The following CTTN variants were observed in gnomAD, a reference collection of about 807,000 sequenced individuals.
The protein encoded by CTTN is cortactin, also known as src substrate cortactin.
Under a neutral mutation model 84.0 loss-of-function variants are expected in CTTN, and 28 were observed. That is an observed-to-expected ratio of 0.33 (90% confidence interval 0.25 to 0.46). CTTN has a LOEUF of 0.46. Among genes scored for constraint, CTTN ranks in the 20% least tolerant of loss-of-function variants. The pLI, the probability that CTTN is intolerant of heterozygous loss-of-function variation, is 1.00. For missense variants in CTTN, 641 were observed against 723.8 expected, an observed-to-expected ratio of 0.89 and a Z score of 1.31; for synonymous variants, 301 against 288.8, an observed-to-expected ratio of 1.04 and a Z score of -0.43.
In CTTN at chr11:70,420,429, G is replaced by C. The variant is rs774646882; in HGVS notation, c.709G>C (p.Gly237Arg). 11 of 1,614,094 alleles carry C rather than the reference G, an allele frequency of 6.8e-6. No homozygotes were observed. Among genetic ancestry groups the C allele is most frequent in the Non-Finnish European group, 9.3e-6 (11 of 1,180,028 alleles). ...DYVKGFGGKF[G>R]VQTDRQDKCA... ...TGTGAAAGGGTTTGGAGGAAAATTT[G>C]GTGTGCAGACAGACAGACAAGACAA... The change falls in exon 10 of 18, where the codon GGT becomes CGT. Residue 237 changes from glycine (G) to arginine (R), a missense_variant. This residue lies in a region of CTTN where 284 missense variants were observed against 348.4 expected (regional missense o/e 0.82). Transcript: ENST00000301843.
chr11:70,408,686 C>T (rs1166126288), intron 4 of CTTN, among the ~76,000 whole-genome samples: 1 of 152,120 alleles, frequency 6.6e-6, no homozygotes, highest in African/African-American at 2.4e-5. Context: ...AGGTGTGTGC[C>T]GCCGCACCTG....
chr11:70,427,262 A>G (rs2058309876), intron 13 of CTTN, among the ~76,000 whole-genome samples: 1 of 152,072 alleles, frequency 6.6e-6, no homozygotes, highest in Non-Finnish European at 1.5e-5. Flanking sequence ...AGGTACGAGA[A>G]TTGCTTGAAC....
intron 5 of CTTN, among the ~76,000 whole-genome samples, chr11:70,411,098 C>A (rs978146960): frequency 2.0e-5 from 3 of 152,280 alleles, no homozygotes; most frequent in African/African-American, 7.2e-5. Flanking sequence ...GCAGAATCAT[C>A]ATCTTTGGAG....
At chr11:70,413,749 G>A (rs933164654) in intron 5 of CTTN, among the ~76,000 whole-genome samples, 1 of 152,206 alleles carries the variant, frequency 6.6e-6, no homozygotes, top group Non-Finnish European at 1.5e-5. Flanking sequence ...GCTGCTCAGC[G>A]GAAATCCAGT....
chr11:70,434,538 G>A lies in CTTN; in HGVS notation c.1517-488G>A, dbSNP rs557584455. Among the ~76,000 whole-genome samples, 6 of 152,414 alleles carry A rather than the reference G, an allele frequency of 3.9e-5. No individual in the cohort carries two copies. In the South Asian group the frequency reaches 8.3e-4, roughly 21 times the overall value. On this transcript the variant is annotated intron_variant, in intron 17 of 17. Transcript: ENST00000301843. The stretch of plus-strand genomic sequence containing the variant: ...TTTGCACACGTGCATTTGCGTACAC[G>A]CATGTGGGTGTGTCTGTGGCATCTC...
chr11:70,411,669 C>T (rs2135560759), intron 5 of CTTN, among the ~76,000 whole-genome samples: 1 of 152,346 alleles, frequency 6.6e-6, no homozygotes, highest in East Asian at 1.9e-4. Context: ...GCTGTGGCTT[C>T]TCTGCTGCTG....
rs770803954 is a variant in CTTN at position 70,423,021 on chromosome 11, G to A, written c.957+26G>A. On this transcript the variant is annotated intron_variant, in intron 12 of 17. Coordinates refer to ENST00000301843, the MANE Select transcript of CTTN (RefSeq NM_005231.4). ...GTAAATATTCCAGCCCCGGAGCTTA[G>A]TGTCTTCTGCCTGCAGGGGCTCTTG... 9 of 1,613,736 alleles carry A rather than the reference G, an allele frequency of 5.6e-6. No individual in the cohort carries two copies. In the South Asian group the frequency reaches 9.9e-5, roughly 18 times the overall value.
At chr11:70,410,179 C>T (rs1435861980) in intron 5 of CTTN, 18 of 484,102 alleles carry the variant, frequency 3.7e-5, no homozygotes, top group Admixed American at 1.3e-4. Context: ...TGCTGGAGCA[C>T]GGGTGTTAGT....
chr11:70,407,707 C>A (rs2058058791), intron 4 of CTTN, 116 bp downstream of exon 4: 2 of 829,568 alleles, frequency 2.4e-6, no homozygotes, highest in Non-Finnish European at 3.8e-6. Flanking sequence ...CATTTATCTT[C>A]TTGACCTGAT....
chr11:70,420,113 G>T (rs1033097378), intron 9 of CTTN: 2 of 596,758 alleles, frequency 3.4e-6, no homozygotes, highest in African/African-American at 1.9e-5. Flanking sequence ...TGTGTTGCCC[G>T]TGTGAGCCTG....
intron 7 of CTTN, 35 bp from the exon 8 acceptor site, chr11:70,416,978 A>G (rs1471033455): frequency 4.7e-6 from 7 of 1,474,614 alleles, no homozygotes; most frequent in East Asian, 2.3e-5. Context: ...GTTCGTCCTC[A>G]GGCCCCCGTG....
intron 1 of CTTN, among the ~76,000 whole-genome samples, chr11:70,401,760 G>A (rs2057985686): frequency 6.6e-6 from 1 of 152,034 alleles, no homozygotes; most frequent in Admixed American, 6.6e-5. Flanking sequence ...CCTGAACCTG[G>A]GACACAGAGG....
At chr11:70,407,154 T>G in intron 2 of CTTN, 144 bp from the exon 3 acceptor site, 1 of 639,464 alleles carries the variant, frequency 1.6e-6, no homozygotes, top group Non-Finnish European at 2.8e-6. Flanking sequence ...GTCAGGCTTA[T>G]GGATCATGAA....
Position 70,422,986 on chromosome 11 carries a change from G to T in CTTN, c.948G>T (p.Arg316=), listed in dbSNP as rs756532928. ...FGGKYGVQKD[R]MDKNASTFED... ...GGAAGTATGGGGTGCAGAAGGATCG[G>T]ATGGATAAGGTAAATATTCCAGCCC... The change falls in exon 12 of 18, where the codon CGG becomes CGT. Residue 316 remains arginine, a synonymous_variant. Coordinates refer to ENST00000301843, the MANE Select transcript of CTTN (RefSeq NM_005231.4). The T allele has an allele frequency of 3.1e-6, 5 of 1,613,990 alleles. 1 individual carries two copies. The East Asian group carries it at 6.7e-5, about 22-fold the overall frequency.
At chr11:70,399,338 G>A (rs1255773132) in intron 1 of CTTN, among the ~76,000 whole-genome samples, 2 of 151,598 alleles carry the variant, frequency 1.3e-5, no homozygotes, top group Admixed American at 6.6e-5. Flanking sequence ...TAGGGTCCGA[G>A]GGGAGGGGAT....
At chr11:70,432,214 C>T (rs528111825) in intron 15 of CTTN, among the ~76,000 whole-genome samples, 2 of 152,292 alleles carry the variant, frequency 1.3e-5, no homozygotes, top group Non-Finnish European at 2.9e-5. Context: ...TGCAGCTTGT[C>T]AGGAACCGGC....
chr11:70,401,317 A>T (rs2057976296), intron 1 of CTTN, among the ~76,000 whole-genome samples: 1 of 151,820 alleles, frequency 6.6e-6, no homozygotes, highest in East Asian at 1.9e-4. Flanking sequence ...AAAAAAAAAA[A>T]TACAAAAAAT....
At chr11:70,405,626 C>T (rs1268410142) in intron 2 of CTTN, among the ~76,000 whole-genome samples, 4 of 152,202 alleles carry the variant, frequency 2.6e-5, no homozygotes, top group Admixed American at 2.6e-4. Context: ...GCCCCTTCCC[C>T]ACCCCATGAA....
intron 8 of CTTN, among the ~76,000 whole-genome samples, chr11:70,417,884 G>T (rs943365183): frequency 2.0e-5 from 3 of 152,178 alleles, no homozygotes; most frequent in Admixed American, 2.0e-4. Flanking sequence ...TGGAATTGCT[G>T]GGTCGAAGGC....
Sources: gnomAD v4.1 joint callset for allele counts (sites outside exome capture counted in the v4.1 genomes callset) on GRCh38, gnomAD v4.1.1 for gene constraint, gnomAD v4.1.1 regional missense constraint, MANE v1.5 for transcripts, NCBI Gene and HGNC (gene_info 2026-07-23, HGNC 2026-07-21) for gene names.